The following RAP1GAP2 variants were observed in gnomAD, a reference collection of about 807,000 sequenced individuals.
The protein encoded by RAP1GAP2 is RAP1 GTPase activating protein 2, also known as rap1 GTPase-activating protein 2.
In RAP1GAP2, 27 loss-of-function variants were observed where a neutral mutation model predicts 95.0. The ratio of observed to expected loss-of-function variants is 0.28; its 90% CI spans 0.21 to 0.39. The LOEUF (loss-of-function observed/expected upper bound fraction) is 0.39. Among genes scored for constraint, RAP1GAP2 ranks in the 10% least tolerant of loss-of-function variants. RAP1GAP2 has a pLI of 1.00. For synonymous variants in RAP1GAP2, 373 were observed against 380.9 expected, an observed-to-expected ratio of 0.98 and a Z score of 0.24; for missense variants, 771 against 970.0, an observed-to-expected ratio of 0.79 and a Z score of 2.72.
chr17:2,851,419 G>C (rs2071840704), intron 2 of RAP1GAP2, among the ~76,000 whole-genome samples: 1 of 152,128 alleles, frequency 6.6e-6, no homozygotes, highest in African/African-American at 2.4e-5. Flanking sequence ...TGTGCTTTGG[G>C]GTCCCCTCTG....
At chr17:2,864,589 G>A (rs945804971) in intron 2 of RAP1GAP2, among the ~76,000 whole-genome samples, 2 of 152,224 alleles carry the variant, frequency 1.3e-5, no homozygotes, top group African/African-American at 2.4e-5. Context: ...AGGACGGGAC[G>A]TACGGTGTGG....
chr17:2,939,264 A>G (rs1043984591), intron 3 of RAP1GAP2, among the ~76,000 whole-genome samples: 6 of 151,942 alleles, frequency 3.9e-5, no homozygotes, highest in Non-Finnish European at 8.8e-5. Flanking sequence ...TAATTTTTGT[A>G]TTTTTAGTAG....
At chr17:3,030,175 T>TACACACACACACACACAC (rs1491269596) in intron 22 of RAP1GAP2, among the ~76,000 whole-genome samples, 11 of 103,372 alleles carry the variant, frequency 1.1e-4, no homozygotes, top group Non-Finnish European at 1.7e-4. Context: ...TAATATATAT[T>TACACACACACACACACAC]ATACACACAC....
At chr17:3,019,869 C>G (rs1351527037) in intron 18 of RAP1GAP2, among the ~76,000 whole-genome samples, 1 of 152,240 alleles carries the variant, frequency 6.6e-6, no homozygotes, top group African/African-American at 2.4e-5. Flanking sequence ...CTGCCCTCCT[C>G]AAACCCCCAC....
intron 2 of RAP1GAP2, among the ~76,000 whole-genome samples, chr17:2,808,184 G>A (rs905140054): frequency 3.9e-5 from 6 of 152,114 alleles, no homozygotes; most frequent in Non-Finnish European, 8.8e-5. Flanking sequence ...CAAGGACCCC[G>A]TTTTGAGCTG....
At chr17:2,908,098 C>G (rs2042261276) in intron 3 of RAP1GAP2, among the ~76,000 whole-genome samples, 1 of 152,200 alleles carries the variant, frequency 6.6e-6, no homozygotes, top group African/African-American at 2.4e-5. Context: ...AGCCACCACG[C>G]CTGGCCCAGA....
rs1235687269 is a variant in RAP1GAP2, at chr17:2,827,624, A to G, written c.80+27074A>G. On this transcript the variant is annotated intron_variant, in intron 2 of 24. Coordinates refer to ENST00000254695, the MANE Select transcript of RAP1GAP2 (RefSeq NM_015085.5). The surrounding 1 kb of genome is among the most constrained non-coding windows in gnomAD (Gnocchi z 4.1). ...GGGGTTCAAGACCAGCCTGGATAAC[A>G]TGGTGAAACCCCCTCTCTACTAAAA... 1.3e-5 allele frequency among the ~76,000 whole-genome samples: 2 copies of G among 151,924 alleles called. No individual in the cohort carries two copies. Among genetic ancestry groups the G allele is most frequent in the African/African-American group, 2.4e-5 (1 of 41,354 alleles).
Position 2,850,772 on chromosome 17 carries a change from T to C in RAP1GAP2, c.80+50222T>C, listed in dbSNP as rs1392933691. Among the ~76,000 whole-genome samples the C allele has an allele frequency of 1.6e-5, 2 of 126,636 alleles. 1 individual carries two copies. Among genetic ancestry groups the C allele is most frequent in the South Asian group, 4.9e-4 (2 of 4,102 alleles). 83.1% of individuals were successfully genotyped at this position (126,636 alleles called of 152,430 possible). On this transcript the variant is annotated intron_variant, in intron 2 of 24. Transcript: ENST00000254695. ...CTCAAAAAAAAAAAAAAAAAAAAAT[T>C]AAGTAAAGGCCAGGCGCGATGGCTC...
At chr17:2,860,860 T>C (rs567373527) in intron 2 of RAP1GAP2, among the ~76,000 whole-genome samples, 2 of 152,018 alleles carry the variant, frequency 1.3e-5, no homozygotes, top group South Asian at 4.2e-4. Flanking sequence ...CCTACCTCAG[T>C]CTCCCAAACT....
intron 4 of RAP1GAP2, among the ~76,000 whole-genome samples, chr17:2,959,543 C>T (rs1194992574): frequency 6.6e-6 from 1 of 152,222 alleles, no homozygotes; most frequent in Non-Finnish European, 1.5e-5. Flanking sequence ...CCGCGTGGGC[C>T]TTGAGCCTGG....
chr17:2,886,802 G>A (rs547505202), intron 2 of RAP1GAP2, among the ~76,000 whole-genome samples: 38 of 152,210 alleles, frequency 2.5e-4, no homozygotes, highest in Middle Eastern at 3.4e-3. Flanking sequence ...GACTGAGGCC[G>A]AGGGATCCAA....
chr17:2,791,396 A>T (rs1184773127), intron 1 of RAP1GAP2, among the ~76,000 whole-genome samples: 7 of 152,036 alleles, frequency 4.6e-5, no homozygotes, highest in African/African-American at 1.7e-4. Flanking sequence ...CCAGCCAGGC[A>T]TTGGGGGTAG....
chr17:2,813,592 G>A (rs1277020854), intron 2 of RAP1GAP2, among the ~76,000 whole-genome samples: 4 of 152,150 alleles, frequency 2.6e-5, no homozygotes, highest in Non-Finnish European at 4.4e-5. Flanking sequence ...GCCATCCTGT[G>A]CGTTGTAGGG....
chr17:2,849,155 C>G (rs2071714525), intron 2 of RAP1GAP2, among the ~76,000 whole-genome samples: 1 of 152,156 alleles, frequency 6.6e-6, no homozygotes, highest in African/African-American at 2.4e-5. Flanking sequence ...TTGCGTTGTC[C>G]CAAAGGTTGT....
At chr17:2,859,179 C>T (rs1328778717) in intron 2 of RAP1GAP2, among the ~76,000 whole-genome samples, 9 of 142,524 alleles carry the variant, frequency 6.3e-5, no homozygotes, top group South Asian at 2.3e-4. Flanking sequence ...GGCACGATCT[C>T]GGCTCACTGC....
At chr17:2,799,341 TCGGGGTG>T (rs2151477139) in intron 1 of RAP1GAP2, among the ~76,000 whole-genome samples, 1 of 152,276 alleles carries the variant, frequency 6.6e-6, no homozygotes, top group African/African-American at 2.4e-5. Context: ...GCCAGGCCCC[TCGGGGTG>T]CCGCTTGCTT....
chr17:2,893,590 C>T lies in RAP1GAP2; in HGVS notation c.81-11694C>T, dbSNP rs545795547. The stretch of plus-strand genomic sequence containing the variant: ...TCGCCATCCAGGTGAAGGGCGTTTA[C>T]GGGCTGGGAAAATGCTGATAGCCCA... On this transcript the variant is annotated intron_variant, in intron 2 of 24. Transcript: ENST00000254695. Among the ~76,000 whole-genome samples, 99 of 152,342 alleles carry T rather than the reference C, an allele frequency of 6.5e-4. 2 individuals are homozygous for T. In the South Asian group the frequency reaches 0.02, roughly 30 times the overall value.
rs765775584 is a variant in RAP1GAP2 at position 3,005,328 on chromosome 17, C to G, written c.1201-41C>G. ...TGGCTCCCGTAGGGGCAGCGCTCGT[C>G]TCTTCCCTCCAGGTCCGTACCATGA... On this transcript the variant is annotated intron_variant, in intron 14 of 24. Transcript: ENST00000254695. The surrounding 1 kb of genome is among the most constrained non-coding windows in gnomAD (Gnocchi z 5.2). 2.4e-5 allele frequency: 38 copies of G among 1,586,310 alleles called. No individual in the cohort carries two copies. In the Admixed American group the frequency reaches 6.2e-4, roughly 26 times the overall value.
chr17:2,990,959 C>T (rs1204948655), intron 11 of RAP1GAP2, among the ~76,000 whole-genome samples: 1 of 151,508 alleles, frequency 6.6e-6, no homozygotes, highest in East Asian at 1.9e-4. Flanking sequence ...ATTCTCCTCT[C>T]TCAGTCTCCC....
Sources: allele counts gnomAD v4.1 joint callset (sites outside exome capture counted in the v4.1 genomes callset), GRCh38; gene constraint gnomAD v4.1.1; non-coding constraint Gnocchi (gnomAD v3.1); transcripts MANE v1.5; gene names NCBI Gene and HGNC (gene_info 2026-07-23, HGNC 2026-07-21).